The following ASIC2 variants were observed in gnomAD, a reference collection of about 807,000 sequenced individuals.
The protein encoded by ASIC2 is acid sensing ion channel subunit 2.
A neutral mutation model predicts 57.3 loss-of-function variants in ASIC2; 25 were observed. That is an observed-to-expected ratio of 0.44 (90% CI 0.32 to 0.61). ASIC2 has a LOEUF of 0.61. ASIC2 is among the 20% of genes least tolerant of loss of function. The probability of loss-of-function intolerance (pLI) is 0.06; values close to 1 mark genes in which losing one functional copy is unlikely to be tolerated. For missense variants in ASIC2, 641 were observed against 738.1 expected (o/e 0.87, Z 1.52); for synonymous variants, 319 against 307.5 (o/e 1.04, Z -0.39).
chr17:33,381,922 C>T (rs1909503273), intron 1 of ASIC2, among the ~76,000 whole-genome samples: 1 of 152,154 alleles, frequency 6.6e-6, no homozygotes, highest in South Asian at 2.1e-4. Context: ...GGGATACACA[C>T]TGGCACTGTT....
At chr17:33,653,227 T>C (rs963901185) in intron 1 of ASIC2, among the ~76,000 whole-genome samples, 10 of 152,160 alleles carry the variant, frequency 6.6e-5, no homozygotes, top group Admixed American at 6.5e-4. Flanking sequence ...CTGTTCTCTA[T>C]TGGCAAAGGG....
At chr17:33,915,100 G>A (rs893352086) in intron 1 of ASIC2, among the ~76,000 whole-genome samples, 6 of 152,152 alleles carry the variant, frequency 3.9e-5, no homozygotes, top group Admixed American at 6.5e-5. Flanking sequence ...GATGTCAAGG[G>A]CATCAGCAAT....
chr17:33,762,023 C>A (rs1567708871), intron 1 of ASIC2, among the ~76,000 whole-genome samples: 1 of 152,136 alleles, frequency 6.6e-6, no homozygotes, highest in Non-Finnish European at 1.5e-5. Flanking sequence ...GGTTCACTGA[C>A]AAATGTCAGC....
chr17:34,021,420 C>T (rs951881011), intron 1 of ASIC2, among the ~76,000 whole-genome samples: 5 of 152,184 alleles, frequency 3.3e-5, no homozygotes, highest in Non-Finnish European at 7.4e-5. Context: ...GACTCTTGCC[C>T]ACCAGTTATC....
At chr17:33,730,663 T>G (rs137983747) in intron 1 of ASIC2, among the ~76,000 whole-genome samples, 1,663 of 152,340 alleles carry the variant, frequency 0.011, 13 homozygotes, top group Middle Eastern at 0.017. Flanking sequence ...TGTTAAACTG[T>G]TTTACAAACT....
intron 1 of ASIC2, among the ~76,000 whole-genome samples, chr17:34,047,997 C>G (rs569869112): frequency 6.6e-6 from 1 of 152,106 alleles, no homozygotes; most frequent in Non-Finnish European, 1.5e-5. Flanking sequence ...GGCTTTGGAC[C>G]CTTTCAAAAA....
At chr17:33,071,630 G>A (rs1263475546) in intron 3 of ASIC2, among the ~76,000 whole-genome samples, 1 of 152,168 alleles carries the variant, frequency 6.6e-6, no homozygotes, top group Admixed American at 6.5e-5. Context: ...TTGGATGCCA[G>A]ATGTCATGAA....
intron 1 of ASIC2, among the ~76,000 whole-genome samples, chr17:34,040,624 A>G (rs781327485): frequency 9.2e-5 from 14 of 152,284 alleles, no homozygotes; most frequent in Non-Finnish European, 1.6e-4. Flanking sequence ...GAGAGTCATC[A>G]TTGTTGGGCT....
chr17:33,137,862 T>G (rs954843918), intron 1 of ASIC2, among the ~76,000 whole-genome samples: 2 of 152,218 alleles, frequency 1.3e-5, no homozygotes, highest in Non-Finnish European at 2.9e-5. Context: ...CCCTAATCTA[T>G]TTTTCAAATT....
intron 4 of ASIC2, among the ~76,000 whole-genome samples, chr17:33,026,949 C>T (rs2091861789): frequency 1.3e-5 from 2 of 152,028 alleles, no homozygotes; most frequent in Admixed American, 1.3e-4. Flanking sequence ...GCTCAGAGGC[C>T]ATTTTATTAT....
At chr17:34,102,328 T>TA (rs1261209182) in intron 1 of ASIC2, among the ~76,000 whole-genome samples, 5 of 151,700 alleles carry the variant, frequency 3.3e-5, no homozygotes, top group African/African-American at 4.9e-5. Context: ...AGACTCCGTC[T>TA]AAAAAATAAA....
rs1567758415 is a variant in ASIC2, at chr17:33,136,544, T to C, written c.709-24477A>G. On this transcript the variant is annotated intron_variant, in intron 1 of 9. Transcript: ENST00000225823. ...CTGACCCATGTCGTGGAAAACTTCT[T>C]CTGGAAGCCCTTGCAAACCAGTGAT... 3.3e-5 allele frequency among the ~76,000 whole-genome samples: 5 copies of C among 152,340 alleles called. No individual in the cohort carries two copies. In the South Asian group the frequency reaches 1.0e-3, roughly 32 times the overall value.
At chr17:33,587,619 A>T (rs719465) in intron 1 of ASIC2, among the ~76,000 whole-genome samples, 2 of 151,838 alleles carry the variant, frequency 1.3e-5, no homozygotes, top group South Asian at 4.1e-4. Context: ...TGCCATGATT[A>T]GCTTAGGCCA....
At chr17:33,328,013 A>C (rs1404270301) in intron 1 of ASIC2, among the ~76,000 whole-genome samples, 1 of 152,246 alleles carries the variant, frequency 6.6e-6, no homozygotes, top group Non-Finnish European at 1.5e-5. Context: ...GCAAAGAAAG[A>C]AGCAATTCCT....
chr17:34,061,212 C>A (rs569943244), intron 1 of ASIC2, among the ~76,000 whole-genome samples: 1 of 152,070 alleles, frequency 6.6e-6, no homozygotes. Context: ...TCAAACAAAA[C>A]CATTATCAGC....
At chr17:33,728,125 T>G (rs1909622140) in intron 1 of ASIC2, among the ~76,000 whole-genome samples, 1 of 152,102 alleles carries the variant, frequency 6.6e-6, no homozygotes, top group Non-Finnish European at 1.5e-5. Context: ...CAGACTTTGC[T>G]CCTGCTGGCC....
At chr17:33,325,501 G>C (rs1161228059) in intron 1 of ASIC2, among the ~76,000 whole-genome samples, 3 of 152,156 alleles carry the variant, frequency 2.0e-5, no homozygotes, top group Non-Finnish European at 4.4e-5. Flanking sequence ...CTGAAGGGTG[G>C]TGCATGGGGA....
intron 1 of ASIC2, among the ~76,000 whole-genome samples, chr17:33,122,147 T>G (rs1355904629): frequency 2.0e-5 from 3 of 152,118 alleles, no homozygotes; most frequent in Non-Finnish European, 4.4e-5. Flanking sequence ...CCATCCACAG[T>G]CTGCTCCCAT....
intron 1 of ASIC2, among the ~76,000 whole-genome samples, chr17:33,521,666 C>T (rs12951371): frequency 0.014 from 2,106 of 152,280 alleles, 48 homozygotes; most frequent in African/African-American, 0.047. Context: ...TTCTAGTCTA[C>T]AGTGCGGGTG....
Sources: gnomAD v4.1 joint callset for allele counts (sites outside exome capture counted in the v4.1 genomes callset) on GRCh38, gnomAD v4.1.1 for gene constraint, MANE v1.5 for transcripts, NCBI Gene and HGNC (gene_info 2026-07-23, HGNC 2026-07-21) for gene names.